Variants in GRAMD1A observed in about 807,000 individuals in gnomAD.
GRAMD1A encodes protein Aster-A.
A neutral mutation model predicts 92.0 loss-of-function variants in GRAMD1A; 50 were observed. The observed-to-expected ratio is 0.54, with a 90% CI of 0.43 to 0.69. The LOEUF is 0.69. GRAMD1A is among the 30% of genes least tolerant of loss of function. GRAMD1A has a pLI of 0.00. For missense variants in GRAMD1A, 819 were observed against 978.9 expected (o/e 0.84, Z 2.18); for synonymous variants, 405 against 403.6 (o/e 1.00, Z -0.04).
upstream of GRAMD1A, among the ~76,000 whole-genome samples, chr19:34,997,362 C>T (rs541796131): frequency 9.5e-5 from 13 of 136,750 alleles, no homozygotes; most frequent in South Asian, 2.4e-3. Context: ...AAGGTATTTC[C>T]TGCTGTAGAT....
rs191577067 is a variant in GRAMD1A at position 35,009,565 on chromosome 19, C to G, written c.240+122C>G. 4.1e-6 allele frequency: 4 copies of G among 979,866 alleles called. No individual in the cohort carries two copies. In the African/African-American group the frequency reaches 6.4e-5, roughly 16 times the overall value. The allele number at this position is 979,866 out of a possible 1,614,324, so 60.7% of individuals were successfully genotyped here. ...TGGAGTGGGTGCAGACCTAGGGTCA[C>G]GTTCTATGCTATTATTTATGTGCTG... On this transcript the variant is annotated intron_variant, in intron 3 of 19. Transcript: ENST00000317991.
At chr19:35,003,175 T>TGC (rs1477841794) in intron 1 of GRAMD1A, among the ~76,000 whole-genome samples, 3 of 135,612 alleles carry the variant, frequency 2.2e-5, no homozygotes, top group East Asian at 4.6e-4. Flanking sequence ...TGTGTGTGTG[T>TGC]GTGCATATGA....
rs555748502 is a variant in GRAMD1A at position 35,021,403 on chromosome 19, C to T, written c.1476-99C>T. The T allele has an allele frequency of 4.5e-5, 38 of 853,730 alleles. No homozygotes were observed. In the East Asian group the frequency reaches 9.2e-4, roughly 21 times the overall value. The allele number at this position is 853,730 out of a possible 1,614,324, so 52.9% of individuals were successfully genotyped here. On this transcript the variant is annotated intron_variant, in intron 13 of 19. Transcript: ENST00000317991. This position sits in a 1 kb window ranked among gnomAD's most constrained non-coding sequence, Gnocchi z 5.3. ...TTTTGTCTGTGAGTGACAAGGGGCCCTCTCTGAATTAGGGGAAGGAAAAAA... is the reference window on the plus strand; with the variant it reads ...TTTTGTCTGTGAGTGACAAGGGGCCTTCTCTGAATTAGGGGAAGGAAAAAA...
intron 1 of GRAMD1A, among the ~76,000 whole-genome samples, chr19:35,005,152 T>C (rs2151703957): frequency 6.7e-6 from 1 of 148,320 alleles, no homozygotes; most frequent in African/African-American, 2.5e-5. Flanking sequence ...GAGCACCTCC[T>C]GTACGCCAGG....
chr19:35,014,522 GA>G, intron 10 of GRAMD1A, 135 bp downstream of exon 10: 1 of 731,484 alleles, frequency 1.4e-6, no homozygotes, highest in Admixed American at 2.3e-5. Context: ...GCTGTTGCTA[GA>G]AATCTCTGTC....
chr19:35,001,930 G>T (rs912956344), intron 1 of GRAMD1A, among the ~76,000 whole-genome samples: 1 of 152,076 alleles, frequency 6.6e-6, no homozygotes, highest in Non-Finnish European at 1.5e-5. Context: ...TTAGCTCTGT[G>T]TGCCAATGTA....
At position 35,026,343 on chromosome 19, in the gene GRAMD1A, C is replaced by A. The variant is rs1391095744; in HGVS notation, c.*202C>A. ...CTGGCCCGGCCTCTGGCAGGCCCCC[C>A]ACTAACTTATTTTGCCCGGCTGAGG... On this transcript the variant is annotated 3_prime_UTR_variant, in exon 20 of 20. Transcript: ENST00000317991. 1.5e-5 allele frequency: 9 copies of A among 588,012 alleles called. No homozygotes were observed. Among genetic ancestry groups the A allele is most frequent in the Non-Finnish European group, 2.4e-5 (8 of 328,772 alleles). The allele number at this position is 588,012 out of a possible 1,614,324, so 36.4% of individuals were successfully genotyped here.
At position 35,005,002 on chromosome 19, in the gene GRAMD1A, C is replaced by T. The variant is rs367682611; in HGVS notation, c.9-4117C>T. Among the ~76,000 whole-genome samples, 61 of 152,238 alleles carry T rather than the reference C, an allele frequency of 4.0e-4. No individual in the cohort carries two copies. In the East Asian group the frequency reaches 0.011, roughly 28 times the overall value. On this transcript the variant is annotated intron_variant, in intron 1 of 19. Coordinates refer to ENST00000317991, the MANE Select transcript of GRAMD1A (RefSeq NM_020895.5). Reference sequence around the variant, plus strand: ...GGCACTTGACTGGAAGGTCCTTGGACTGTGGGGCCCACACTCCAGGCTGCT... The same window carrying T: ...GGCACTTGACTGGAAGGTCCTTGGATTGTGGGGCCCACACTCCAGGCTGCT...
rs1013443874 is a variant in GRAMD1A, at chr19:35,013,346, C to G, written c.697C>G (p.Pro233Ala). The change falls in exon 8 of 20, where the codon CCC becomes GCC. Residue 233 changes from proline to alanine, a missense_variant. Physicochemically the swap from Pro to Ala is conservative, Grantham distance 27. Around this residue, in one of 3 missense-constraint regions of GRAMD1A, gnomAD observed 577 missense variants for 674.6 expected, o/e 0.86. Transcript: ENST00000317991. The surrounding 1 kb of genome is among the most constrained non-coding windows in gnomAD (Gnocchi z 4.9). ...LTSEDEDYVS[P>A]LQLNGLGTPK... ...CAGTGAGGATGAGGACTATGTCTCC[C>G]CCTTGCAGCTGAACGGTCTGGGGTG... 1.3e-6 allele frequency: 2 copies of G among 1,554,822 alleles called. No individual in the cohort carries two copies. Among genetic ancestry groups the G allele is most frequent in the East Asian group, 2.4e-5 (1 of 41,404 alleles).
chr19:35,016,627 A>G (rs113400055), intron 11 of GRAMD1A, among the ~76,000 whole-genome samples: 39,606 of 133,862 alleles, frequency 0.3, 6,149 homozygotes, highest in Middle Eastern at 0.46. Context: ...GGTGCTGGGC[A>G]CAGTGGCTCA....
At position 35,019,192 on chromosome 19, in the gene GRAMD1A, C is replaced by T. The variant is rs201735824; in HGVS notation, c.1215C>T (p.Asp405=). The change falls in exon 12 of 20, where the codon GAC becomes GAT. Residue 405 remains aspartate, a splice_region_variant and synonymous_variant. Coordinates refer to ENST00000317991, the MANE Select transcript of GRAMD1A (RefSeq NM_020895.5). ...TCATGCTGCTCCTCCCTCCTCTAGACGTGACGCTGAGCCCCTGGAGTGGGG... is the reference window on the plus strand; with the variant it reads ...TCATGCTGCTCCTCCCTCCTCTAGATGTGACGCTGAGCCCCTGGAGTGGGG... ...QGFLQQCKFT[D]VTLSPWSGDS... 33 of 1,600,280 alleles carry T rather than the reference C, an allele frequency of 2.1e-5. No individual in the cohort carries two copies. The highest frequency in any genetic ancestry group is 3.3e-5 in the Admixed American group (2 of 59,712).
At chr19:34,995,572 T>TTTTTTTTG (rs1568309948), upstream of GRAMD1A, among the ~76,000 whole-genome samples, 79 of 81,366 alleles carry the variant, frequency 9.7e-4, no homozygotes, top group Non-Finnish European at 1.2e-3. Flanking sequence ...AGATCACGGG[T>TTTTTTTTG]TTTTTTTTTT....
At position 35,023,559 on chromosome 19, in the gene GRAMD1A, C is replaced by T. The variant is rs775877520; in HGVS notation, c.2082+12C>T. The T allele has an allele frequency of 2.1e-5, 33 of 1,564,294 alleles. 1 individual carries two copies. The highest frequency in any genetic ancestry group is 1.3e-4 in the South Asian group (11 of 85,156). ...AGCTCCTGGATGAGGTAGGAGGCGC[C>T]GCTCGGGCAGGGCTCGGGGCTGCGG... On this transcript the variant is annotated intron_variant, in intron 19 of 19. Transcript: ENST00000317991.
chr19:35,004,516 G>C (rs562137634), intron 1 of GRAMD1A, among the ~76,000 whole-genome samples: 2 of 152,188 alleles, frequency 1.3e-5, no homozygotes, highest in South Asian at 2.1e-4. Context: ...GTCTGAGGTC[G>C]CCATCCCTGC....
chr19:35,014,294 G>A lies in GRAMD1A; in HGVS notation c.976G>A (p.Asp326Asn). ...EPPSTEPTQPDGPTTLGPLDL... is the reference protein window; with the variant it reads ...EPPSTEPTQPNGPTTLGPLDL... ...CCCGAGCACAGAGCCCACCCAGCCT[G>A]ACGGGCCCACCACCCTGGGCCCCTT... Residue 326 changes from aspartate (D) to asparagine (N), a missense_variant, in exon 10 of 20, where the codon GAC (aspartate) becomes AAC (asparagine). Around this residue, in one of 3 missense-constraint regions of GRAMD1A, gnomAD observed 577 missense variants for 674.6 expected, o/e 0.86. Coordinates refer to ENST00000317991, the MANE Select transcript of GRAMD1A (RefSeq NM_020895.5). 1 of 1,614,114 alleles carries A rather than the reference G, an allele frequency of 6.2e-7. No homozygotes were observed. Among genetic ancestry groups the A allele is most frequent in the Non-Finnish European group, 8.5e-7 (1 of 1,179,958 alleles).
At position 35,019,490 on chromosome 19, in the gene GRAMD1A, C is replaced by T. The variant is rs1251138271; in HGVS notation, c.1432C>T (p.Arg478Cys). The T allele has an allele frequency of 1.2e-5, 19 of 1,613,894 alleles. No homozygotes were observed. The highest frequency in any genetic ancestry group is 8.0e-5 in the African/African-American group (6 of 74,920). ...CCAGGACTACTTCTACACTGCCCAC[C>T]GCTACTGCATCCTGGGTCTGGCCCG... ...PYQDYFYTAHRYCILGLARNK... is the reference protein window; with the variant it reads ...PYQDYFYTAHCYCILGLARNK... The change falls in exon 13 of 20, where the codon CGC becomes TGC. Residue 478 changes from arginine (R) to cysteine (C), a missense_variant. Transcript: ENST00000317991.
At chr19:34,996,315 G>A (rs2014035591), upstream of GRAMD1A, 1 of 1,479,096 alleles carries the variant, frequency 6.8e-7, no homozygotes. Flanking sequence ...AGTGGGACAG[G>A]AAAGAGGGTC....
At chr19:35,012,802 C>T (rs1326404534) in intron 7 of GRAMD1A, among the ~76,000 whole-genome samples, 1 of 152,234 alleles carries the variant, frequency 6.6e-6, no homozygotes, top group African/African-American at 2.4e-5. Context: ...TGGTGAAACC[C>T]CGTCTCTACT....
chr19:35,018,559 G>A (rs972605254), intron 11 of GRAMD1A, among the ~76,000 whole-genome samples: 1 of 152,174 alleles, frequency 6.6e-6, no homozygotes, highest in African/African-American at 2.4e-5. Flanking sequence ...TGTTCTAGGG[G>A]TACTGGGGAG....
Sources: allele counts gnomAD v4.1 joint callset (sites outside exome capture counted in the v4.1 genomes callset), GRCh38; gene constraint gnomAD v4.1.1; regional missense constraint gnomAD v4.1.1; non-coding constraint Gnocchi (gnomAD v3.1); transcripts MANE v1.5; gene names NCBI Gene and HGNC (gene_info 2026-07-23, HGNC 2026-07-21).